KLRG1: variants seen among roughly 807,000 people sequenced by gnomAD.
KLRG1 encodes killer cell lectin like receptor G1.
A neutral mutation model predicts 21.8 loss-of-function variants in KLRG1; 16 were observed. The observed-to-expected ratio is 0.73, with a 90% CI of 0.50 to 1.11. KLRG1 has a LOEUF of 1.11. KLRG1 is among the 50% of genes most tolerant of loss of function. The probability of loss-of-function intolerance (pLI) is 0.00; values close to 1 mark genes in which losing one functional copy is unlikely to be tolerated. For missense variants in KLRG1, 173 were observed against 218.3 expected (o/e 0.79, Z 1.31); for synonymous variants, 69 against 75.9 (o/e 0.91, Z 0.47).
chr12:9,016,316 A>G, the KLRG1 span, among the ~76,000 whole-genome samples: 1 of 152,214 alleles, frequency 6.6e-6, no homozygotes, highest in Non-Finnish European at 1.5e-5. Flanking sequence ...GAGATAAAAA[A>G]AGGAGACATT....
At chr12:9,008,830 A>AT in intron 3 of KLRG1, 145 bp from the exon 4 acceptor site, 1 of 611,476 alleles carries the variant, frequency 1.6e-6, no homozygotes, top group African/African-American at 1.9e-5. Context: ...TCAGTCCTTA[A>AT]GAGTGGTGAT....
At chr12:9,070,004 A>C in the KLRG1 span, among the ~76,000 whole-genome samples, 19 of 152,246 alleles carry the variant, frequency 1.2e-4, no homozygotes, top group Non-Finnish European at 2.4e-4. Context: ...ATAACACACG[A>C]CTAATGTGTA....
At chr12:9,109,232 C>T in the KLRG1 span, 8 of 1,035,028 alleles carry the variant, frequency 7.7e-6, no homozygotes, top group Non-Finnish European at 1.2e-5. Flanking sequence ...TGTGTTGCCA[C>T]TGCTCCCGGA....
the KLRG1 span, chr12:9,158,618 A>C: frequency 1.9e-6 from 3 of 1,601,446 alleles, no homozygotes; most frequent in African/African-American, 1.3e-5. Flanking sequence ...CTTTTCATTG[A>C]GCACTTTACT....
downstream of KLRG1, among the ~76,000 whole-genome samples, chr12:9,011,953 C>T (rs144469895): frequency 7.6e-4 from 116 of 152,300 alleles, no homozygotes; most frequent in African/African-American, 2.1e-3. Flanking sequence ...GGGAATGGCC[C>T]ATCCCAGTGG....
At chr12:9,021,857 A>G in the KLRG1 span, among the ~76,000 whole-genome samples, 1 of 152,076 alleles carries the variant, frequency 6.6e-6, no homozygotes, top group African/African-American at 2.4e-5. Context: ...TATTATAACA[A>G]TGCCTTCTTC....
At chr12:8,957,173 G>A (rs187240249) in intron 1 of KLRG1, among the ~76,000 whole-genome samples, 1 of 152,294 alleles carries the variant, frequency 6.6e-6, no homozygotes, top group East Asian at 1.9e-4. Context: ...ATCAGTAGTA[G>A]GTTTTGTTTT....
chr12:8,996,520 T>A (rs775267756), intron 3 of KLRG1: 13 of 152,196 alleles, frequency 8.5e-5, no homozygotes, highest in Non-Finnish European at 1.2e-4. Context: ...CAGAGGTTAC[T>A]CTAAAGCAGT....
At chr12:9,119,949 C>A in the KLRG1 span, among the ~76,000 whole-genome samples, 1 of 152,200 alleles carries the variant, frequency 6.6e-6, no homozygotes, top group East Asian at 1.9e-4. Context: ...CTGAGCCCTA[C>A]TTCTAACTTA....
the KLRG1 span, among the ~76,000 whole-genome samples, chr12:9,087,296 T>C: frequency 6.6e-6 from 1 of 152,180 alleles, no homozygotes; most frequent in Admixed American, 6.5e-5. Context: ...TAAAGAAAAT[T>C]TGGTATATAC....
chr12:9,142,733 G>T, the KLRG1 span, among the ~76,000 whole-genome samples: 3 of 152,108 alleles, frequency 2.0e-5, no homozygotes, highest in Non-Finnish European at 4.4e-5. Flanking sequence ...GGCCCTTTAA[G>T]AACAGGGCTA....
chr12:9,101,578 T>C, the KLRG1 span: 3 of 1,613,998 alleles, frequency 1.9e-6, no homozygotes, highest in Admixed American at 1.7e-5. Flanking sequence ...AAGCTCTTGC[T>C]TGGGGAGAAC....
the KLRG1 span, among the ~76,000 whole-genome samples, chr12:9,161,862 G>A: frequency 2.0e-5 from 3 of 152,294 alleles, no homozygotes; most frequent in Middle Eastern, 3.4e-3. Context: ...AGTGAGATGG[G>A]TAGGAAATGC....
the KLRG1 span, among the ~76,000 whole-genome samples, chr12:9,145,767 A>G: frequency 2.0e-5 from 3 of 152,146 alleles, no homozygotes; most frequent in African/African-American, 7.2e-5. Flanking sequence ...TTTGTCTGAG[A>G]AAGTCTTTAT....
the KLRG1 span, among the ~76,000 whole-genome samples, chr12:9,048,986 A>T: frequency 6.6e-6 from 1 of 152,262 alleles, no homozygotes; most frequent in Non-Finnish European, 1.5e-5. Context: ...TTGATTTTAA[A>T]AGAACAAACA....
At chr12:9,202,733 C>A in the KLRG1 span, 1 of 1,538,216 alleles carries the variant, frequency 6.5e-7, no homozygotes, top group Non-Finnish European at 8.9e-7. Context: ...CAGTCTTCTC[C>A]CTCTGCATTC....
At chr12:8,968,220 C>T (rs1186852304) in intron 1 of KLRG1, among the ~76,000 whole-genome samples, 1 of 138,178 alleles carries the variant, frequency 7.2e-6, no homozygotes. Flanking sequence ...TAAAAAAGGT[C>T]CAAGTGTATG....
chr12:9,163,926 C>T, the KLRG1 span: 1 of 1,277,850 alleles, frequency 7.8e-7, no homozygotes, highest in Non-Finnish European at 1.1e-6. Context: ...TTAATGTATA[C>T]TAAGTAGCCA....
the KLRG1 span, chr12:9,101,587 A>G: frequency 5.6e-6 from 9 of 1,614,012 alleles, no homozygotes; most frequent in Non-Finnish European, 7.6e-6. Flanking sequence ...CTTGGGGAGA[A>G]CACAAGATAA....
Sources: gnomAD v4.1 joint callset for allele counts (sites outside exome capture counted in the v4.1 genomes callset) on GRCh38, gnomAD v4.1.1 for gene constraint, MANE v1.5 for transcripts, NCBI Gene and HGNC (gene_info 2026-07-23, HGNC 2026-07-21) for gene names.